ZKSCAN1: variants seen among roughly 807,000 people sequenced by gnomAD.
The protein encoded by ZKSCAN1 is zinc finger protein with KRAB and SCAN domains 1.
ZKSCAN1 carries 14 observed loss-of-function variants against 51.6 expected under a neutral mutation model. The observed-to-expected ratio is 0.27, with a 90% CI of 0.18 to 0.42. ZKSCAN1 has a LOEUF of 0.42. Among genes scored for constraint, ZKSCAN1 ranks in the 10% least tolerant of loss-of-function variants. The probability of loss-of-function intolerance (pLI) is 1.00; values close to 1 mark genes in which losing one functional copy is unlikely to be tolerated. For missense variants in ZKSCAN1, 531 were observed against 710.0 expected, an observed-to-expected ratio of 0.75 and a Z score of 2.86; for synonymous variants, 263 against 261.5, an observed-to-expected ratio of 1.01 and a Z score of -0.06.
At chr7:100,031,663 G>A (rs549598500) in intron 5 of ZKSCAN1, among the ~76,000 whole-genome samples, 6 of 152,178 alleles carry the variant, frequency 3.9e-5, no homozygotes, top group Admixed American at 1.3e-4. Context: ...TACTAATGTC[G>A]TAACCACTTT....
rs1791592073 is a variant in ZKSCAN1 at position 100,041,513 on chromosome 7, T to A, written c.*7316T>A. ...AATCATAAGAGAAAAGGCAGCATAA[T>A]GAAATGTGTACACATACATAGTCAG... On this transcript the variant is annotated 3_prime_UTR_variant, in exon 6 of 6. Transcript: ENST00000324306. 5 of 985,338 alleles carry A rather than the reference T, an allele frequency of 5.1e-6. No homozygotes were observed. Among genetic ancestry groups the A allele is most frequent in the Non-Finnish European group, 6.0e-6 (5 of 829,940 alleles). 61.0% of individuals were successfully genotyped at this position (985,338 alleles called of 1,614,324 possible).
intron 5 of ZKSCAN1, among the ~76,000 whole-genome samples, chr7:100,032,055 G>A (rs1791129766): frequency 6.6e-6 from 1 of 152,236 alleles, no homozygotes; most frequent in Non-Finnish European, 1.5e-5. Flanking sequence ...CTCCAGCCTG[G>A]CTGACAGAAC....
intron 1 of ZKSCAN1, among the ~76,000 whole-genome samples, chr7:100,018,406 ATTT>A (rs879710253): frequency 6.9e-6 from 1 of 144,298 alleles, no homozygotes; most frequent in Non-Finnish European, 1.5e-5. Context: ...ATCATGAGAA[ATTT>A]TTTTTTTTTT....
At chr7:100,022,465 G>A (rs1006828983) in intron 1 of ZKSCAN1, among the ~76,000 whole-genome samples, 3 of 152,252 alleles carry the variant, frequency 2.0e-5, no homozygotes, top group Non-Finnish European at 4.4e-5. Flanking sequence ...GACTAAGTAA[G>A]TGTATTAGTG....
At chr7:100,027,202 C>T (rs561684832) in intron 3 of ZKSCAN1, among the ~76,000 whole-genome samples, 16 of 151,124 alleles carry the variant, frequency 1.1e-4, no homozygotes, top group Non-Finnish European at 1.9e-4. Flanking sequence ...GAGGCTGAGA[C>T]ACAAGAACGC....
intron 1 of ZKSCAN1, among the ~76,000 whole-genome samples, chr7:100,018,055 G>T (rs1790443986): frequency 6.6e-6 from 1 of 152,132 alleles, no homozygotes; most frequent in South Asian, 2.1e-4. Flanking sequence ...GCAACTCTAT[G>T]GGACAAATGC....
At chr7:100,027,348 T>C (rs988456364) in intron 3 of ZKSCAN1, among the ~76,000 whole-genome samples, 1 of 151,726 alleles carries the variant, frequency 6.6e-6, no homozygotes, top group Non-Finnish European at 1.5e-5. Context: ...AGTGTGTTTA[T>C]TGGTGATGAC....
Position 100,036,887 on chromosome 7 carries a change from T to C in ZKSCAN1, c.*2690T>C. 1.0e-6 allele frequency: 1 copy of C among 985,180 alleles called. No individual in the cohort carries two copies. The highest frequency in any genetic ancestry group is 4.7e-5 in the South Asian group (1 of 21,274). The allele number at this position is 985,180 out of a possible 1,614,324, so 61.0% of individuals were successfully genotyped here. A position where few individuals can be genotyped will look rare whatever the true frequency, so the allele number is the denominator to read the frequency against. On this transcript the variant is annotated 3_prime_UTR_variant, in exon 6 of 6. Coordinates refer to ENST00000324306, the MANE Select transcript of ZKSCAN1 (RefSeq NM_003439.4). ...ATGCTGATATAACTCAGCCATCACT[T>C]TTGAGTTTTGTTTTTAAATGAAGGT...
In ZKSCAN1 at chr7:100,038,542, T is replaced by C; in HGVS notation, c.*4345T>C. On this transcript the variant is annotated 3_prime_UTR_variant, in exon 6 of 6. Coordinates refer to ENST00000324306, the MANE Select transcript of ZKSCAN1 (RefSeq NM_003439.4). Reference sequence around the variant, plus strand: ...CCTCTGAGCTGTCAGGTGACCACTGTGTGCAAAGGGGATGGATTCTCTTGT... The same window carrying C: ...CCTCTGAGCTGTCAGGTGACCACTGCGTGCAAAGGGGATGGATTCTCTTGT... 1 of 985,446 alleles carries C rather than the reference T, an allele frequency of 1.0e-6. No individual in the cohort carries two copies. The highest frequency in any genetic ancestry group is 1.2e-6 in the Non-Finnish European group (1 of 829,944). The allele number at this position is 985,446 out of a possible 1,614,324, so 61.0% of individuals were successfully genotyped here.
At chr7:100,041,898 C>T (rs1325756520), downstream of ZKSCAN1, among the ~76,000 whole-genome samples, 1 of 152,172 alleles carries the variant, frequency 6.6e-6, no homozygotes, top group Non-Finnish European at 1.5e-5. Flanking sequence ...GACCTCTCCT[C>T]TCAGCCAAGG....
rs865930042 is a variant in ZKSCAN1, at chr7:100,039,962, A to G, written c.*5765A>G. On this transcript the variant is annotated 3_prime_UTR_variant, in exon 6 of 6. Transcript: ENST00000324306. ...AATTTAATAAAAGGCATTATTTGAAAAGTTTTTCTAACATAGATTTAGGGT... is the reference window on the plus strand; with the variant it reads ...AATTTAATAAAAGGCATTATTTGAAGAGTTTTTCTAACATAGATTTAGGGT... 4 of 968,120 alleles carry G rather than the reference A, an allele frequency of 4.1e-6. No homozygotes were observed. The highest frequency in any genetic ancestry group is 5.3e-4 in the Middle Eastern group (1 of 1,876). 60.0% of individuals were successfully genotyped at this position (968,120 alleles called of 1,614,324 possible).
At chr7:100,029,542 T>A (rs1562823959) in intron 3 of ZKSCAN1, among the ~76,000 whole-genome samples, 1 of 152,066 alleles carries the variant, frequency 6.6e-6, no homozygotes, top group Non-Finnish European at 1.5e-5. Context: ...GGAACCTGGG[T>A]CCCCATCCTG....
chr7:100,025,425 GA>G (rs1562820779), intron 3 of ZKSCAN1, among the ~76,000 whole-genome samples: 1 of 151,508 alleles, frequency 6.6e-6, no homozygotes. Context: ...TGAGGAACAC[GA>G]AAAAAGATCA....
chr7:100,038,630 G>A lies in ZKSCAN1; in HGVS notation c.*4433G>A, dbSNP rs1791463261. 1 of 985,368 alleles carries A rather than the reference G, an allele frequency of 1.0e-6. No individual in the cohort carries two copies. The highest frequency in any genetic ancestry group is 1.7e-5 in the African/African-American group (1 of 57,248). The allele number at this position is 985,368 out of a possible 1,614,324, so 61.0% of individuals were successfully genotyped here. Reference sequence around the variant, plus strand: ...TGTACTGGAATGGCCAAGTGGGACTGCTTCAGCTGACCAGGTTCTTTTAAA... The same window carrying A: ...TGTACTGGAATGGCCAAGTGGGACTACTTCAGCTGACCAGGTTCTTTTAAA... On this transcript the variant is annotated 3_prime_UTR_variant, in exon 6 of 6. Transcript: ENST00000324306.
chr7:100,030,260 G>A lies in ZKSCAN1; in HGVS notation c.684G>A (p.Lys228=), dbSNP rs1454478618. 6.2e-7 allele frequency: 1 copy of A among 1,614,112 alleles called. No homozygotes were observed. Among genetic ancestry groups the A allele is most frequent in the South Asian group, 1.1e-5 (1 of 91,064 alleles). The part of the protein sequence containing the change: ...LFTADSQAMV[K]IEDMAVSLIL... ...TCGTGTTATTTTAGGCAATGGTGAA[G>A]ATCGAGGACATGGCTGTGTCCCTCA... Residue 228 remains lysine (K), a synonymous_variant, in exon 5 of 6, where the codon AAG becomes AAA. Transcript: ENST00000324306.
At chr7:100,028,806 A>C (rs1002340322) in intron 3 of ZKSCAN1, among the ~76,000 whole-genome samples, 8 of 151,884 alleles carry the variant, frequency 5.3e-5, no homozygotes, top group East Asian at 3.9e-4. Flanking sequence ...AAAAAAAAAA[A>C]AAAAAACAGT....
chr7:100,038,108 T>A lies in ZKSCAN1; in HGVS notation c.*3911T>A. ...AATGTGGGGAAATGCTTTAAAAAAA[T>A]AGCAAAATGTGCAACTTCTTACAAA... On this transcript the variant is annotated 3_prime_UTR_variant, in exon 6 of 6. Coordinates refer to ENST00000324306, the MANE Select transcript of ZKSCAN1 (RefSeq NM_003439.4). 2 of 985,378 alleles carry A rather than the reference T, an allele frequency of 2.0e-6. No homozygotes were observed. The highest frequency in any genetic ancestry group is 2.4e-6 in the Non-Finnish European group (2 of 829,912). 61.0% of individuals were successfully genotyped at this position (985,378 alleles called of 1,614,324 possible). A position where few individuals can be genotyped will look rare whatever the true frequency, so the allele number is the denominator to read the frequency against.
rs976180696 is a variant in ZKSCAN1, at chr7:100,040,148, C to T, written c.*5951C>T. On this transcript the variant is annotated 3_prime_UTR_variant, in exon 6 of 6. Coordinates refer to ENST00000324306, the MANE Select transcript of ZKSCAN1 (RefSeq NM_003439.4). ...GCCATCTCCAACTCTGCAGGTCAAA[C>T]GAAAGTTTGGGAAATACTTTTGACA... The T allele has an allele frequency of 1.2e-5, 12 of 984,838 alleles. No individual in the cohort carries two copies. The highest frequency in any genetic ancestry group is 4.7e-5 in the South Asian group (1 of 21,280). The allele number at this position is 984,838 out of a possible 1,614,324, so 61.0% of individuals were successfully genotyped here. A position where few individuals can be genotyped will look rare whatever the true frequency, so the allele number is the denominator to read the frequency against.
In ZKSCAN1 at chr7:100,034,231, T is replaced by C. The variant is rs901566435; in HGVS notation, c.*34T>C. The C allele has an allele frequency of 1.3e-6, 2 of 1,498,144 alleles. No homozygotes were observed. Among genetic ancestry groups the C allele is most frequent in the African/African-American group, 1.4e-5 (1 of 71,556 alleles). The allele number at this position is 1,498,144 out of a possible 1,614,324, so 92.8% of individuals were successfully genotyped here. On this transcript the variant is annotated 3_prime_UTR_variant, in exon 6 of 6. Coordinates refer to ENST00000324306, the MANE Select transcript of ZKSCAN1 (RefSeq NM_003439.4). ...TTTGCCATCAAGCCATTTCCCCCTT[T>C]TGTTTCTAAAATTATTTCAGAGATG...
Sources: allele counts gnomAD v4.1 joint callset (sites outside exome capture counted in the v4.1 genomes callset), GRCh38; gene constraint gnomAD v4.1.1; transcripts MANE v1.5; gene names NCBI Gene and HGNC (gene_info 2026-07-23, HGNC 2026-07-21).